The following HERC2 variants were observed in gnomAD, a reference collection of about 807,000 sequenced individuals.
HERC2 encodes the protein HECT and RLD domain containing E3 ubiquitin protein ligase 2.
HERC2 carries 102 observed loss-of-function variants against 537.7 expected under a neutral mutation model. The ratio of observed to expected loss-of-function variants is 0.19; its 90% confidence interval spans 0.16 to 0.22. The LOEUF is 0.22. Among genes scored for constraint, HERC2 ranks in the 10% least tolerant of loss-of-function variants. The pLI is 1.00. For synonymous variants in HERC2, 2,224 were observed against 2,466.2 expected (o/e 0.90, Z 2.91); for missense variants, 4,236 against 6,198.2 (o/e 0.68, Z 10.63).
At position 28,222,578 on chromosome 15, in the gene HERC2, G is replaced by A. The variant is rs556187311; in HGVS notation, c.5465-363C>T. Among the ~76,000 whole-genome samples, 4 of 152,246 alleles carry A rather than the reference G, an allele frequency of 2.6e-5. No individual in the cohort carries two copies. In the East Asian group the frequency reaches 7.7e-4, roughly 29 times the overall value. ...TAACTACCTAAATATCTAACAGTGG[G>A]AAACTAACAAACTTTAATCATGGTT... On this transcript the variant is annotated intron_variant, in intron 35 of 92. Coordinates refer to ENST00000261609, the MANE Select transcript of HERC2 (RefSeq NM_004667.6).
chr15:28,258,252 C>G (rs932026100), intron 16 of HERC2, among the ~76,000 whole-genome samples: 13 of 152,142 alleles, frequency 8.5e-5, no homozygotes, highest in African/African-American at 3.1e-4. Context: ...GCGGGGATCA[C>G]CTGAGGTCAG....
At chr15:28,226,809 G>A (rs1220483290) in intron 35 of HERC2, among the ~76,000 whole-genome samples, 2 of 152,266 alleles carry the variant, frequency 1.3e-5, no homozygotes, top group Admixed American at 1.3e-4. Flanking sequence ...GAGAACAGGA[G>A]AAAATACCCT....
In HERC2 at chr15:28,176,818, G is replaced by A; in HGVS notation, c.9433-50C>T. 1 of 1,593,696 alleles carries A rather than the reference G, an allele frequency of 6.3e-7. No individual in the cohort carries two copies. The highest frequency in any genetic ancestry group is 1.1e-5 in the South Asian group (1 of 90,614). ...AGAATCACGCACAGGCACGGAGAAA[G>A]CAATGGATTTTCCCACAGATAAAGC... On this transcript the variant is annotated intron_variant, in intron 61 of 92. Coordinates refer to ENST00000261609, the MANE Select transcript of HERC2 (RefSeq NM_004667.6). The surrounding 1 kb of genome is among the most constrained non-coding windows in gnomAD (Gnocchi z 5.0).
chr15:28,177,339 T>C lies in HERC2; in HGVS notation c.9254+80A>G, dbSNP rs561956427. On this transcript the variant is annotated intron_variant, in intron 60 of 92. Transcript: ENST00000261609. This position sits in a 1 kb window ranked among gnomAD's most constrained non-coding sequence, Gnocchi z 5.0. ...ATTTCTATAATCTATTCTATTCTAATTTTCTGCAAAATAATTCTCAAGAGT... is the reference window on the plus strand; with the variant it reads ...ATTTCTATAATCTATTCTATTCTAACTTTCTGCAAAATAATTCTCAAGAGT... 2 of 1,457,538 alleles carry C rather than the reference T, an allele frequency of 1.4e-6. No individual in the cohort carries two copies. The highest frequency in any genetic ancestry group is 2.3e-5 in the South Asian group (2 of 85,866). The allele number at this position is 1,457,538 out of a possible 1,614,324, so 90.3% of individuals were successfully genotyped here. A position where few individuals can be genotyped will look rare whatever the true frequency, so the allele number is the denominator to read the frequency against.
At chr15:28,263,465 A>G (rs1017630449) in intron 14 of HERC2, among the ~76,000 whole-genome samples, 1 of 152,164 alleles carries the variant, frequency 6.6e-6, no homozygotes, top group Non-Finnish European at 1.5e-5. Context: ...CCAAAGGCCC[A>G]CTGCCTCCAT....
intron 30 of HERC2, 100 bp downstream of exon 30, chr15:28,233,046 G>T (rs1386534612): frequency 4.8e-6 from 4 of 829,604 alleles, no homozygotes. Context: ...AATGTCACAT[G>T]GAATCAACAG....
intron 50 of HERC2, 129 bp from the exon 51 acceptor site, chr15:28,196,698 A>G: frequency 1.6e-6 from 1 of 607,664 alleles, no homozygotes; most frequent in South Asian, 2.2e-5. Flanking sequence ...TACCTTTTAG[A>G]GATAGGTACT....
At chr15:28,203,881 G>A (rs1186963417) in intron 45 of HERC2, 1 of 151,974 alleles carries the variant, frequency 6.6e-6, no homozygotes, top group Non-Finnish European at 1.5e-5. Context: ...CAGCTGCCCA[G>A]GGCCAGGACA....
chr15:28,144,896 A>C, intron 71 of HERC2, 92 bp from the exon 72 acceptor site: 1 of 1,532,898 alleles, frequency 6.5e-7, no homozygotes, highest in Non-Finnish European at 8.9e-7. Context: ...GATTTCCGTC[A>C]CGTGTGAAGA....
rs1250263253 is a variant in HERC2 at position 28,153,129 on chromosome 15, G to A, written c.10747-299C>T. ...AGCACTTTGGAAGGCCGAGGCAAGC[G>A]GATCACCTGAGGTCAGGAGTTCGAG... On this transcript the variant is annotated intron_variant, in intron 69 of 92. Transcript: ENST00000261609. Among the ~76,000 whole-genome samples the A allele has an allele frequency of 2.6e-5, 4 of 152,166 alleles. No individual in the cohort carries two copies. The East Asian group carries it at 5.8e-4, about 22-fold the overall frequency.
At chr15:28,245,344 C>T (rs1439478462) in intron 23 of HERC2, among the ~76,000 whole-genome samples, 3 of 151,842 alleles carry the variant, frequency 2.0e-5, no homozygotes, top group African/African-American at 7.3e-5. Flanking sequence ...GTCAGGAGTT[C>T]GAGACCATCC....
chr15:28,275,129 A>G, intron 5 of HERC2, 124 bp from the exon 6 acceptor site: 1 of 520,580 alleles, frequency 1.9e-6, no homozygotes, highest in South Asian at 3.3e-5. Context: ...AAGTGACAGG[A>G]TCACAAGTGG....
chr15:28,212,318 A>C (rs1899338028), intron 43 of HERC2, 127 bp downstream of exon 43: 1 of 711,798 alleles, frequency 1.4e-6, no homozygotes, highest in Admixed American at 2.3e-5. Flanking sequence ...CCGCAACTCA[A>C]CAAATGGTGA....
rs894003324 is a variant in HERC2 at position 28,260,703 on chromosome 15, T to C, written c.2316+74A>G. The stretch of plus-strand genomic sequence containing the variant: ...AACAACAAACAAAACTCAGTGGTAT[T>C]TTCTACATACTGGTAATGAACAACT... On this transcript the variant is annotated intron_variant, in intron 16 of 92. Transcript: ENST00000261609. 42 of 1,258,812 alleles carry C rather than the reference T, an allele frequency of 3.3e-5. No individual in the cohort carries two copies. The South Asian group carries it at 4.1e-4, about 12-fold the overall frequency. The allele number at this position is 1,258,812 out of a possible 1,614,324, so 78.0% of individuals were successfully genotyped here.
At chr15:28,313,113 G>T (rs1306879490) in intron 2 of HERC2, among the ~76,000 whole-genome samples, 2 of 150,478 alleles carry the variant, frequency 1.3e-5, no homozygotes, top group Non-Finnish European at 3.0e-5. Flanking sequence ...ACGGCAGCCA[G>T]GGCAAGCCTT....
intron 12 of HERC2, among the ~76,000 whole-genome samples, chr15:28,267,883 C>T (rs1386434188): frequency 6.6e-6 from 1 of 152,244 alleles, no homozygotes. Flanking sequence ...GTACATACAT[C>T]CCTCATTTAA....
At chr15:28,236,760 G>T (rs1902507772) in intron 26 of HERC2, among the ~76,000 whole-genome samples, 1 of 151,800 alleles carries the variant, frequency 6.6e-6, no homozygotes, top group South Asian at 2.1e-4. Context: ...GCTAATTTTT[G>T]TGTTTTTTGT....
At chr15:28,116,524 T>A in intron 88 of HERC2, 141 bp downstream of exon 88, 1 of 929,560 alleles carries the variant, frequency 1.1e-6, no homozygotes, top group Non-Finnish European at 1.6e-6. Flanking sequence ...ACCCTAAAAG[T>A]CATTTTTATT....
At chr15:28,155,939 G>A (rs1892965092) in intron 69 of HERC2, among the ~76,000 whole-genome samples, 1 of 152,032 alleles carries the variant, frequency 6.6e-6, no homozygotes, top group African/African-American at 2.4e-5. Flanking sequence ...TAATTTTTGT[G>A]TAAGGTGTAA....
Sources: gnomAD v4.1 joint callset for allele counts (sites outside exome capture counted in the v4.1 genomes callset) on GRCh38, gnomAD v4.1.1 for gene constraint, Gnocchi (gnomAD v3.1) non-coding constraint, MANE v1.5 for transcripts, NCBI Gene and HGNC (gene_info 2026-07-23, HGNC 2026-07-21) for gene names.